The following DLG2 variants were observed in gnomAD, a reference collection of about 807,000 sequenced individuals.
The protein encoded by DLG2 is discs large MAGUK scaffold protein 2, also known as disks large homolog 2.
Under a neutral mutation model 132.5 loss-of-function variants are expected in DLG2, and 45 were observed. The ratio of observed to expected loss-of-function variants is 0.34; its 90% CI spans 0.27 to 0.44. The LOEUF is 0.44. Among genes scored for constraint, DLG2 ranks in the 20% least tolerant of loss-of-function variants. The pLI is 1.00. For missense variants in DLG2, 1,045 were observed against 1,196.9 expected (o/e 0.87, Z 1.87); for synonymous variants, 424 against 419.6 (o/e 1.01, Z -0.13).
intron 4 of DLG2, among the ~76,000 whole-genome samples, chr11:85,229,232 C>A (rs1400369918): frequency 6.6e-6 from 1 of 151,214 alleles, no homozygotes. Flanking sequence ...AAAATTTTTG[C>A]AATCTATCCA....
chr11:83,891,109 T>C (rs1231257317), intron 15 of DLG2, among the ~76,000 whole-genome samples: 1 of 152,200 alleles, frequency 6.6e-6, no homozygotes, highest in Non-Finnish European at 1.5e-5. Context: ...AGTAATGGTC[T>C]AAAAAGGTAC....
At chr11:83,994,071 ACTCT>A (rs939875415) in intron 11 of DLG2, among the ~76,000 whole-genome samples, 6 of 151,696 alleles carry the variant, frequency 4.0e-5, no homozygotes, top group African/African-American at 9.7e-5. Context: ...ACTTAAAAGT[ACTCT>A]CTCTCTCCAC....
chr11:84,495,412 T>C (rs982519669), intron 7 of DLG2, among the ~76,000 whole-genome samples: 3 of 152,114 alleles, frequency 2.0e-5, no homozygotes, highest in Non-Finnish European at 4.4e-5. Context: ...ATTTCCCCTT[T>C]TTTTGCCTTA....
At position 83,945,900 on chromosome 11, in the gene DLG2, T is replaced by C. The variant is rs145490649; in HGVS notation, c.1341-15417A>G. ...TGCTGTTACTTCTGGTAACATGATTTTCCTTCTCTTTCCTTCTTTCCTTCC... is the reference window on the plus strand; with the variant it reads ...TGCTGTTACTTCTGGTAACATGATTCTCCTTCTCTTTCCTTCTTTCCTTCC... On this transcript the variant is annotated intron_variant, in intron 14 of 27. Coordinates refer to ENST00000376104, the MANE Select transcript of DLG2 (RefSeq NM_001142699.3). 6.5e-4 allele frequency among the ~76,000 whole-genome samples: 97 copies of C among 150,240 alleles called. 2 individuals are homozygous for C. The highest frequency in any genetic ancestry group is 1.3e-3 in the Admixed American group (20 of 14,952).
chr11:85,319,605 T>A (rs1182650658), intron 3 of DLG2, among the ~76,000 whole-genome samples: 1 of 151,928 alleles, frequency 6.6e-6, no homozygotes, highest in East Asian at 1.9e-4. Flanking sequence ...TAAAAAGATA[T>A]CATCCACAAG....
chr11:85,507,892 G>T (rs1401584902), intron 3 of DLG2, among the ~76,000 whole-genome samples: 1 of 152,080 alleles, frequency 6.6e-6, no homozygotes, highest in Non-Finnish European at 1.5e-5. Flanking sequence ...GTTATTGGAG[G>T]CTTTGTTCAT....
At chr11:85,119,204 T>C (rs1351548906) in intron 5 of DLG2, among the ~76,000 whole-genome samples, 1 of 152,066 alleles carries the variant, frequency 6.6e-6, no homozygotes, top group Non-Finnish European at 1.5e-5. Flanking sequence ...ATGTCTGAAA[T>C]ACTGCAGCAA....
intron 6 of DLG2, among the ~76,000 whole-genome samples, chr11:84,686,610 T>C (rs2153716785): frequency 6.6e-6 from 1 of 150,648 alleles, no homozygotes; most frequent in East Asian, 2.0e-4. Flanking sequence ...TGTAACCAAA[T>C]TCTTTCAACT....
intron 7 of DLG2, among the ~76,000 whole-genome samples, chr11:84,262,451 T>C (rs2097559295): frequency 6.6e-6 from 1 of 152,190 alleles, no homozygotes; most frequent in Non-Finnish European, 1.5e-5. Context: ...CCCCAAAGAC[T>C]TACCCAAAAC....
intron 6 of DLG2, among the ~76,000 whole-genome samples, chr11:85,032,997 C>T (rs1461500614): frequency 6.6e-6 from 1 of 152,170 alleles, no homozygotes; most frequent in Non-Finnish European, 1.5e-5. Flanking sequence ...AAACTTTATA[C>T]ATTGCATGCC....
chr11:83,504,897 A>T (rs141176599), intron 21 of DLG2, among the ~76,000 whole-genome samples: 1 of 152,290 alleles, frequency 6.6e-6, no homozygotes, highest in African/African-American at 2.4e-5. Flanking sequence ...GTGACTTACA[A>T]AGCTATTTCA....
chr11:84,521,829 T>A (rs1315352424), intron 7 of DLG2, among the ~76,000 whole-genome samples: 1 of 152,188 alleles, frequency 6.6e-6, no homozygotes. Flanking sequence ...TATAGTCCAC[T>A]GAGAAAATAA....
At chr11:85,135,156 A>AT (rs1199314737) in intron 5 of DLG2, among the ~76,000 whole-genome samples, 4 of 152,246 alleles carry the variant, frequency 2.6e-5, no homozygotes, top group African/African-American at 9.6e-5. Context: ...CTAATAGGTA[A>AT]TTGAGACTTA....
intron 6 of DLG2, among the ~76,000 whole-genome samples, chr11:84,664,980 A>C (rs1159214509): frequency 6.6e-6 from 1 of 151,920 alleles, no homozygotes; most frequent in African/African-American, 2.4e-5. Flanking sequence ...TTTTCGTGAA[A>C]GTAGGAGAAG....
At chr11:84,595,243 T>A (rs1055546919) in intron 6 of DLG2, among the ~76,000 whole-genome samples, 39 of 152,114 alleles carry the variant, frequency 2.6e-4, no homozygotes, top group African/African-American at 9.4e-4. Context: ...TAACTGGGAC[T>A]AAAGGTGCGT....
intron 15 of DLG2, among the ~76,000 whole-genome samples, chr11:83,878,324 T>G (rs1030429372): frequency 3.3e-5 from 5 of 152,148 alleles, no homozygotes; most frequent in Admixed American, 6.6e-5. Context: ...TTGAATTCCA[T>G]CTATCTGTAA....
intron 6 of DLG2, among the ~76,000 whole-genome samples, chr11:84,864,737 G>T (rs2084283447): frequency 6.6e-6 from 1 of 152,114 alleles, no homozygotes; most frequent in Admixed American, 6.6e-5. Flanking sequence ...TCAACTAATT[G>T]TTATGGATAG....
chr11:83,692,376 T>C (rs1450251043), intron 18 of DLG2, among the ~76,000 whole-genome samples: 1 of 152,180 alleles, frequency 6.6e-6, no homozygotes, highest in East Asian at 1.9e-4. Context: ...TTTAGGATCA[T>C]GGTGAGGGTT....
chr11:85,315,355 A>G (rs2080588705), intron 3 of DLG2, among the ~76,000 whole-genome samples: 1 of 152,064 alleles, frequency 6.6e-6, no homozygotes, highest in African/African-American at 2.4e-5. Context: ...AGAATCTTCA[A>G]TAAGGTTGAT....
Sources: gnomAD v4.1 joint callset for allele counts (sites outside exome capture counted in the v4.1 genomes callset) on GRCh38, gnomAD v4.1.1 for gene constraint, MANE v1.5 for transcripts, NCBI Gene and HGNC (gene_info 2026-07-23, HGNC 2026-07-21) for gene names.